The following VAV3 variants were observed in gnomAD, a reference collection of about 807,000 sequenced individuals.
VAV3 encodes vav guanine nucleotide exchange factor 3.
Under a neutral mutation model 131.2 loss-of-function variants are expected in VAV3, and 94 were observed. The ratio of observed to expected loss-of-function variants is 0.72; its 90% CI spans 0.61 to 0.85. VAV3 has a LOEUF of 0.85. VAV3 is among the 40% of genes least tolerant of loss of function. VAV3 has a pLI of 0.00. For missense variants in VAV3, 939 were observed against 1,002.7 expected (o/e 0.94, Z 0.86); for synonymous variants, 349 against 342.0 (o/e 1.02, Z -0.22).
At chr1:107,956,384 G>A (rs938876597) in intron 1 of VAV3, among the ~76,000 whole-genome samples, 3 of 152,134 alleles carry the variant, frequency 2.0e-5, no homozygotes, top group Non-Finnish European at 2.9e-5. Flanking sequence ...CTCTTAAAAC[G>A]TGATTGAGAA....
rs1251454627 is a variant in VAV3 at position 107,640,091 on chromosome 1, G to GAT, written c.1914+2526_1914+2527dup. Among the ~76,000 whole-genome samples, 7 of 152,176 alleles carry GAT rather than the reference G, an allele frequency of 4.6e-5. No individual in the cohort carries two copies. In the East Asian group the frequency reaches 1.4e-3, roughly 29 times the overall value. ...AAAACTTAAATGTATATCTACATATGATCTATATATTCCCCTCTTGGCATT... is the reference window on the plus strand; with the variant it reads ...AAAACTTAAATGTATATCTACATATGATATCTATATATTCCCCTCTTGGCATT... On this transcript the variant is annotated intron_variant, in intron 20 of 26. Coordinates refer to ENST00000370056, the MANE Select transcript of VAV3 (RefSeq NM_006113.5).
At chr1:107,711,771 T>G (rs1437062676) in intron 15 of VAV3, among the ~76,000 whole-genome samples, 1 of 152,164 alleles carries the variant, frequency 6.6e-6, no homozygotes, top group African/African-American at 2.4e-5. Context: ...TGGTGCAACC[T>G]CTGCCTCCCA....
Position 107,573,392 on chromosome 1 carries a change from A to G in VAV3, c.2503-20T>C. ...GCCCACCTAAAAAAGAAAAGCAACC[A>G]ACACAGCAACATGACTTTGTATCTG... On this transcript the variant is annotated intron_variant, in intron 26 of 26. Transcript: ENST00000370056. The G allele has an allele frequency of 6.2e-7, 1 of 1,613,954 alleles. No homozygotes were observed. The highest frequency in any genetic ancestry group is 2.2e-5 in the East Asian group (1 of 44,888).
intron 20 of VAV3, among the ~76,000 whole-genome samples, chr1:107,626,846 T>G (rs761063755): frequency 6.6e-6 from 1 of 152,234 alleles, no homozygotes; most frequent in Non-Finnish European, 1.5e-5. Context: ...ACAAAGGAGA[T>G]CTGATTCTTT....
At chr1:107,683,670 A>G (rs1308076246) in intron 18 of VAV3, 137 bp from the exon 19 acceptor site, 1 of 839,680 alleles carries the variant, frequency 1.2e-6, no homozygotes, top group Non-Finnish European at 1.9e-6. Flanking sequence ...AAATTTGATC[A>G]GAATATGGTT....
At chr1:107,945,837 A>AAG (rs1674232106) in intron 1 of VAV3, among the ~76,000 whole-genome samples, 2 of 19,548 alleles carry the variant, frequency 1.0e-4, no homozygotes, top group South Asian at 4.5e-3. Context: ...AAAAAAAAAA[A>AAG]GAAAGAAAGA....
intron 17 of VAV3, among the ~76,000 whole-genome samples, chr1:107,695,745 G>T (rs1212625344): frequency 6.6e-6 from 1 of 152,162 alleles, no homozygotes; most frequent in Non-Finnish European, 1.5e-5. Flanking sequence ...CCAGAAGATG[G>T]CATGGGCGCA....
rs1368638162 is a variant in VAV3, at chr1:107,748,948, T to A, written c.1502+20A>T. ...TTAACTAGTAAAAATAAAAGCACTT[T>A]TAAAAATAGAAATACTCACAAAGCC... On this transcript the variant is annotated intron_variant, in intron 15 of 26. Coordinates refer to ENST00000370056, the MANE Select transcript of VAV3 (RefSeq NM_006113.5). The A allele has an allele frequency of 6.5e-7, 1 of 1,534,590 alleles. No individual in the cohort carries two copies. Among genetic ancestry groups the A allele is most frequent in the Non-Finnish European group, 8.9e-7 (1 of 1,125,660 alleles).
intron 15 of VAV3, among the ~76,000 whole-genome samples, chr1:107,726,150 T>C (rs1199393455): frequency 6.6e-6 from 1 of 152,166 alleles, no homozygotes; most frequent in Non-Finnish European, 1.5e-5. Flanking sequence ...AATGATCTTT[T>C]AAAAATCTGA....
chr1:107,929,318 G>T (rs1326504866), intron 1 of VAV3, among the ~76,000 whole-genome samples: 2 of 147,010 alleles, frequency 1.4e-5, no homozygotes, highest in Non-Finnish European at 3.0e-5. Context: ...TTATGCCCTA[G>T]AACAGTATAT....
intron 15 of VAV3, among the ~76,000 whole-genome samples, chr1:107,717,997 CTTCT>C (rs779321473): frequency 6.6e-6 from 1 of 152,122 alleles, no homozygotes; most frequent in Non-Finnish European, 1.5e-5. Context: ...ATGTAATGGC[CTTCT>C]TTGTCTCTTT....
intron 1 of VAV3, among the ~76,000 whole-genome samples, chr1:107,887,482 C>A (rs1671091654): frequency 6.6e-6 from 1 of 152,210 alleles, no homozygotes; most frequent in Non-Finnish European, 1.5e-5. Flanking sequence ...ACCATTCATT[C>A]TGGCTTTTTA....
At chr1:107,600,474 A>G (rs1382441659) in intron 24 of VAV3, among the ~76,000 whole-genome samples, 1 of 152,172 alleles carries the variant, frequency 6.6e-6, no homozygotes, top group Non-Finnish European at 1.5e-5. Context: ...ATGCCCAGAT[A>G]TGGAGACGAA....
At chr1:107,935,365 T>C (rs1255711192) in intron 1 of VAV3, among the ~76,000 whole-genome samples, 1 of 152,160 alleles carries the variant, frequency 6.6e-6, no homozygotes, top group Non-Finnish European at 1.5e-5. Context: ...TGATAAGGTA[T>C]ATCAAAGAAG....
At chr1:107,755,659 A>T (rs1664061470) in intron 11 of VAV3, 146 bp from the exon 12 acceptor site, 2 of 611,010 alleles carry the variant, frequency 3.3e-6, no homozygotes, top group East Asian at 5.6e-5. Flanking sequence ...ATGCCCAGTC[A>T]ATCAAAGCTG....
chr1:107,910,764 G>A (rs189403327), intron 1 of VAV3, among the ~76,000 whole-genome samples: 1 of 152,152 alleles, frequency 6.6e-6, no homozygotes, highest in East Asian at 1.9e-4. Context: ...CAAATCACCC[G>A]ATGTCAGGAG....
At chr1:107,795,331 A>G (rs1666484127) in intron 2 of VAV3, among the ~76,000 whole-genome samples, 1 of 152,196 alleles carries the variant, frequency 6.6e-6, no homozygotes, top group South Asian at 2.1e-4. Flanking sequence ...CAACCTTAAC[A>G]TATCCTCGGT....
intron 2 of VAV3, among the ~76,000 whole-genome samples, chr1:107,833,698 G>A (rs1668358140): frequency 6.6e-6 from 1 of 152,122 alleles, no homozygotes; most frequent in African/African-American, 2.4e-5. Context: ...TATGACGTGT[G>A]GTCAGTGCCT....
At chr1:107,634,986 A>C (rs368283363) in intron 20 of VAV3, among the ~76,000 whole-genome samples, 6 of 151,512 alleles carry the variant, frequency 4.0e-5, no homozygotes, top group African/African-American at 1.2e-4. Context: ...GCTGGAGAGG[A>C]TGTGGAGAAA....
Sources: gnomAD v4.1 joint callset for allele counts (sites outside exome capture counted in the v4.1 genomes callset) on GRCh38, gnomAD v4.1.1 for gene constraint, MANE v1.5 for transcripts, NCBI Gene and HGNC (gene_info 2026-07-23, HGNC 2026-07-21) for gene names.